Variants in AREL1 observed in about 807,000 individuals in gnomAD.
AREL1 encodes apoptosis-resistant E3 ubiquitin protein ligase 1.
A neutral mutation model predicts 99.0 loss-of-function variants in AREL1; 62 were observed. The observed-to-expected ratio is 0.63, with a 90% CI of 0.51 to 0.77. AREL1 has a LOEUF of 0.77. Ranked by LOEUF, AREL1 falls within the 30% of genes least tolerant of loss-of-function variation. AREL1 has a pLI of 0.00. For synonymous variants in AREL1, 380 were observed against 376.5 expected (o/e 1.01, Z -0.11); for missense variants, 879 against 1,027.6 (o/e 0.86, Z 1.98).
Position 74,673,098 on chromosome 14 carries a change from G to T in AREL1, c.1279C>A (p.Arg427Ser). The change falls in exon 10 of 20, where the codon CGC becomes AGC. Residue 427 changes from arginine to serine, a missense_variant. By Grantham distance (110) the Arg-to-Ser change is moderately radical. Transcript: ENST00000356357. ...ERNILAATFI[R>S]SLHKNIGGSE... is the part of the protein sequence containing the mutation. ...TCACCTATGTTCTTATGCAGGGAGC[G>T]GATAAAAGTGGCTGCTAGAATGTTC... The T allele has an allele frequency of 6.2e-7, 1 of 1,614,124 alleles. No homozygotes were observed. The highest frequency in any genetic ancestry group is 1.1e-5 in the South Asian group (1 of 91,078).
At position 74,663,851 on chromosome 14, in the gene AREL1, T is replaced by C. The variant is rs114401289; in HGVS notation, c.2370-29A>G. On this transcript the variant is annotated intron_variant, in intron 19 of 19. Coordinates refer to ENST00000356357, the MANE Select transcript of AREL1 (RefSeq NM_001039479.2). ...GAAGGGCAAGGGAGAAGTGATTAAC[T>C]CATACCACCAAAAACACTGGGCATG... 1,067 of 1,614,120 alleles carry C rather than the reference T, an allele frequency of 6.6e-4. 11 individuals carry two copies. The African/African-American group carries it at 0.013, about 19-fold the overall frequency.
At position 74,663,527 on chromosome 14, in the gene AREL1, T is replaced by C; in HGVS notation, c.*193A>G. On this transcript the variant is annotated 3_prime_UTR_variant, in exon 20 of 20. Transcript: ENST00000356357. ...GCTTACATACCATGCCAAAGTGGCCTGTGGTAGATATGGGCAGGGAGCAGG... is the reference window on the plus strand; with the variant it reads ...GCTTACATACCATGCCAAAGTGGCCCGTGGTAGATATGGGCAGGGAGCAGG... The C allele has an allele frequency of 1.6e-6, 1 of 621,300 alleles. No individual in the cohort carries two copies. The highest frequency in any genetic ancestry group is 2.5e-5 in the Admixed American group (1 of 39,764). 38.5% of individuals were successfully genotyped at this position (621,300 alleles called of 1,614,324 possible).
At chr14:74,712,453 G>A (rs2090330424) in intron 1 of AREL1, among the ~76,000 whole-genome samples, 1 of 152,036 alleles carries the variant, frequency 6.6e-6, no homozygotes, top group African/African-American at 2.4e-5. Context: ...TACATAGCAG[G>A]TACTCAAAGA....
intron 5 of AREL1, among the ~76,000 whole-genome samples, chr14:74,678,787 G>A (rs761697592): frequency 6.7e-6 from 1 of 150,090 alleles, no homozygotes; most frequent in Non-Finnish European, 1.5e-5. Context: ...TTTTCAAACT[G>A]TAAAAACTTT....
intron 1 of AREL1, among the ~76,000 whole-genome samples, chr14:74,708,554 T>G (rs1022150410): frequency 1.3e-5 from 2 of 152,168 alleles, no homozygotes; most frequent in Non-Finnish European, 2.9e-5. Flanking sequence ...AATAACATGC[T>G]CTGGGTCTCT....
At chr14:74,665,938 A>C (rs563396277) in intron 17 of AREL1, among the ~76,000 whole-genome samples, 13 of 152,324 alleles carry the variant, frequency 8.5e-5, no homozygotes, top group Middle Eastern at 6.8e-3. Flanking sequence ...CTTCCTTTCT[A>C]CTTACTTCTA....
At chr14:74,673,353 A>G in intron 9 of AREL1, 135 bp from the exon 10 acceptor site, 1 of 824,398 alleles carries the variant, frequency 1.2e-6, no homozygotes, top group African/African-American at 1.7e-5. Context: ...TACCAGAAAT[A>G]CATTTCATTA....
chr14:74,671,603 T>C (rs1003574189), intron 11 of AREL1, 120 bp from the exon 12 acceptor site: 5 of 542,004 alleles, frequency 9.2e-6, no homozygotes, highest in Non-Finnish European at 1.6e-5. Context: ...CTGAAGGAGA[T>C]ATGTTACTCA....
At chr14:74,694,982 C>G (rs940473848) in intron 1 of AREL1, among the ~76,000 whole-genome samples, 5 of 116,918 alleles carry the variant, frequency 4.3e-5, no homozygotes, top group African/African-American at 3.5e-5. Context: ...GAGTGAGACT[C>G]TGTCTCGGAA....
At chr14:74,696,257 C>A (rs1035522487) in intron 1 of AREL1, among the ~76,000 whole-genome samples, 1 of 152,198 alleles carries the variant, frequency 6.6e-6, no homozygotes, top group Non-Finnish European at 1.5e-5. Flanking sequence ...GCATACAAAT[C>A]ATTTTCTTCC....
At chr14:74,681,510 C>T (rs971343098) in intron 5 of AREL1, among the ~76,000 whole-genome samples, 19 of 152,052 alleles carry the variant, frequency 1.2e-4, no homozygotes, top group Non-Finnish European at 4.4e-5. Flanking sequence ...TACGGTGGCT[C>T]ATGCCTGTAA....
At chr14:74,672,730 A>G in intron 11 of AREL1, 101 bp downstream of exon 11, 2 of 1,510,722 alleles carry the variant, frequency 1.3e-6, no homozygotes, top group East Asian at 2.3e-5. Flanking sequence ...GTGAGACCCT[A>G]TCTCCCAAAC....
intron 1 of AREL1, among the ~76,000 whole-genome samples, chr14:74,704,628 C>T (rs886717019): frequency 6.6e-6 from 1 of 151,986 alleles, no homozygotes. Flanking sequence ...TTGGGGGCCC[C>T]AAGACTTATT....
chr14:74,710,560 A>G (rs968740667), intron 1 of AREL1, among the ~76,000 whole-genome samples: 1 of 152,224 alleles, frequency 6.6e-6, no homozygotes, highest in Non-Finnish European at 1.5e-5. Context: ...TTTAGACAAT[A>G]AAAAGCTTAT....
intron 2 of AREL1, among the ~76,000 whole-genome samples, chr14:74,686,145 T>A (rs1327175711): frequency 1.3e-5 from 2 of 152,184 alleles, no homozygotes; most frequent in South Asian, 4.1e-4. Context: ...ATGTTGGCAT[T>A]ATGTAATTAA....
intron 1 of AREL1, among the ~76,000 whole-genome samples, chr14:74,711,059 C>T (rs999023744): frequency 6.6e-6 from 1 of 151,178 alleles, no homozygotes; most frequent in African/African-American, 2.4e-5. Flanking sequence ...TGGAGAAACC[C>T]CGTCTCTACT....
intron 1 of AREL1, among the ~76,000 whole-genome samples, chr14:74,693,640 C>T (rs535892323): frequency 6.6e-6 from 1 of 152,280 alleles, no homozygotes; most frequent in Admixed American, 6.5e-5. Context: ...GAAACTGGGA[C>T]ACAGAAAGGT....
chr14:74,670,822 T>C lies in AREL1; in HGVS notation c.1548A>G (p.Lys516=). The change falls in exon 13 of 20, where the codon AAA becomes AAG. Residue 516 remains lysine (K), a synonymous_variant. Coordinates refer to ENST00000356357, the MANE Select transcript of AREL1 (RefSeq NM_001039479.2). ...GCTGATTGGTGGTATCAAATAGTGC[T>C]TTGCAGATTAGCTCAAACCATTCCC... is the stretch of plus-strand genomic sequence containing the variant. ...PRREWFELIC[K]ALFDTTNQLF... is the part of the protein sequence containing the mutation. The C allele has an allele frequency of 2.5e-6, 4 of 1,614,160 alleles. No homozygotes were observed. In the East Asian group the frequency reaches 8.9e-5, roughly 36 times the overall value.
At chr14:74,677,219 G>A (rs1249249262) in intron 5 of AREL1, among the ~76,000 whole-genome samples, 1 of 151,888 alleles carries the variant, frequency 6.6e-6, no homozygotes, top group Non-Finnish European at 1.5e-5. Flanking sequence ...GAGAGGCCAG[G>A]TGCGGTGGCT....
Sources: allele counts gnomAD v4.1 joint callset (sites outside exome capture counted in the v4.1 genomes callset), GRCh38; gene constraint gnomAD v4.1.1; transcripts MANE v1.5; gene names NCBI Gene and HGNC (gene_info 2026-07-23, HGNC 2026-07-21).